The following SNX13 variants were observed in gnomAD, a reference collection of about 807,000 sequenced individuals.
The protein encoded by SNX13 is sorting nexin 13, also known as sorting nexin-13.
In SNX13, 45 loss-of-function variants were observed where a neutral mutation model predicts 133.6. The observed-to-expected ratio is 0.34, with a 90% CI of 0.27 to 0.43. The LOEUF is 0.43. Among genes scored for constraint, SNX13 ranks in the 20% least tolerant of loss-of-function variants. SNX13 has a pLI of 1.00. For synonymous variants in SNX13, 414 were observed against 373.9 expected (o/e 1.11, Z -1.24); for missense variants, 1,032 against 1,145.1 (o/e 0.90, Z 1.43).
At chr7:17,859,691 C>A (rs1167802044) in intron 9 of SNX13, among the ~76,000 whole-genome samples, 1 of 152,112 alleles carries the variant, frequency 6.6e-6, no homozygotes, top group African/African-American at 2.4e-5. Flanking sequence ...TTCTCTCCTC[C>A]CAGATCCCAG....
chr7:17,809,282 C>CAAAAAAAAAAAAAAAAAAAAAAAAAAAAA (rs535077123), intron 20 of SNX13, among the ~76,000 whole-genome samples: 1 of 49,274 alleles, frequency 2.0e-5, no homozygotes, highest in Non-Finnish European at 3.5e-5. Flanking sequence ...AGATGGAAAG[C>CAAAAAAAAAAAAAAAAAAAAAAAAAAAAA]AAAAAAAAAA....
chr7:17,923,268 C>T (rs1164089189), intron 1 of SNX13, among the ~76,000 whole-genome samples: 1 of 152,106 alleles, frequency 6.6e-6, no homozygotes, highest in Admixed American at 6.5e-5. Flanking sequence ...AAATAACTTA[C>T]TATACACAGG....
At chr7:17,871,019 T>C (rs937770605) in intron 8 of SNX13, among the ~76,000 whole-genome samples, 3 of 151,954 alleles carry the variant, frequency 2.0e-5, no homozygotes, top group Non-Finnish European at 4.4e-5. Flanking sequence ...TTTTTCTTTT[T>C]TTTTGAGAGG....
intron 3 of SNX13, among the ~76,000 whole-genome samples, chr7:17,892,695 A>G (rs1462430210): frequency 6.6e-6 from 1 of 152,134 alleles, no homozygotes; most frequent in South Asian, 2.1e-4. Flanking sequence ...TGTAACAGAT[A>G]AATTAATAAC....
At chr7:17,814,554 T>C (rs762331031) in intron 20 of SNX13, among the ~76,000 whole-genome samples, 2 of 152,100 alleles carry the variant, frequency 1.3e-5, no homozygotes, top group East Asian at 1.9e-4. Flanking sequence ...CCTCTAAAGA[T>C]AACGAAAAGC....
chr7:17,815,658 T>G (rs1786574194), intron 19 of SNX13, among the ~76,000 whole-genome samples: 1 of 152,098 alleles, frequency 6.6e-6, no homozygotes, highest in South Asian at 2.1e-4. Flanking sequence ...AACATTCAAG[T>G]GTTATATGGA....
chr7:17,908,316 G>A (rs1182628035), intron 1 of SNX13, among the ~76,000 whole-genome samples: 1 of 152,088 alleles, frequency 6.6e-6, no homozygotes, highest in Admixed American at 6.5e-5. Context: ...TATCATTACT[G>A]CTTCTCCCTG....
At chr7:17,928,370 T>C (rs189410480) in intron 1 of SNX13, among the ~76,000 whole-genome samples, 13 of 152,266 alleles carry the variant, frequency 8.5e-5, no homozygotes, top group Admixed American at 7.8e-4. Flanking sequence ...TGGCTAGGAT[T>C]TGCTAACCAC....
At chr7:17,930,815 C>T (rs947658733) in intron 1 of SNX13, among the ~76,000 whole-genome samples, 10 of 152,092 alleles carry the variant, frequency 6.6e-5, no homozygotes, top group African/African-American at 2.4e-4. Context: ...CACCTGAGCT[C>T]AGCCTCCTGT....
At chr7:17,834,913 A>G (rs751366525) in intron 13 of SNX13, 48 bp from the exon 14 acceptor site, 7 of 1,081,126 alleles carry the variant, frequency 6.5e-6, no homozygotes, top group African/African-American at 1.6e-5. Flanking sequence ...TCTTAATACA[A>G]GATGATACTT....
intron 13 of SNX13, among the ~76,000 whole-genome samples, chr7:17,835,110 A>G (rs1788985746): frequency 6.6e-6 from 1 of 151,894 alleles, no homozygotes; most frequent in African/African-American, 2.4e-5. Flanking sequence ...TTGCCTAGCA[A>G]GTTATCTCTC....
intron 17 of SNX13, among the ~76,000 whole-genome samples, chr7:17,823,262 C>T (rs1474917888): frequency 1.3e-5 from 2 of 152,052 alleles, no homozygotes; most frequent in Non-Finnish European, 2.9e-5. Flanking sequence ...CCTTTCTATG[C>T]GTGGAAGGCA....
At chr7:17,908,587 A>T (rs902400104) in intron 1 of SNX13, among the ~76,000 whole-genome samples, 1 of 152,202 alleles carries the variant, frequency 6.6e-6, no homozygotes, top group Non-Finnish European at 1.5e-5. Flanking sequence ...CACAATTTAC[A>T]ATTCTACAAT....
chr7:17,869,668 T>C (rs1459672485), intron 8 of SNX13, among the ~76,000 whole-genome samples: 1 of 152,166 alleles, frequency 6.6e-6, no homozygotes, highest in Non-Finnish European at 1.5e-5. Context: ...AAAGCACTAA[T>C]GGAGGCACCA....
intron 1 of SNX13, among the ~76,000 whole-genome samples, chr7:17,917,343 C>T (rs747671643): frequency 6.6e-6 from 1 of 152,026 alleles, no homozygotes; most frequent in African/African-American, 2.4e-5. Context: ...GAAAACGCAT[C>T]CAAATAGAAA....
intron 11 of SNX13, among the ~76,000 whole-genome samples, chr7:17,848,394 G>A (rs1790802412): frequency 6.6e-6 from 1 of 152,168 alleles, no homozygotes; most frequent in South Asian, 2.1e-4. Context: ...AGCCACGAGT[G>A]TGCACACAAA....
rs149093938 is a variant in SNX13, at chr7:17,806,057, C to T, written c.2065-2477G>A. Among the ~76,000 whole-genome samples, 748 of 152,224 alleles carry T rather than the reference C, an allele frequency of 4.9e-3. 5 individuals carry two copies. The highest frequency in any genetic ancestry group is 0.017 in the African/African-American group (718 of 41,514). On this transcript the variant is annotated intron_variant, in intron 20 of 25. Coordinates refer to ENST00000428135, the MANE Select transcript of SNX13 (RefSeq NM_015132.5). ...TCAGATGATCATGCACAGGAGATTA[C>T]GGATTGCCAGCTAAGTGTACACTTA...
intron 5 of SNX13, among the ~76,000 whole-genome samples, chr7:17,877,349 C>G (rs1583588201): frequency 1.3e-5 from 2 of 151,972 alleles, no homozygotes; most frequent in Middle Eastern, 6.8e-3. Flanking sequence ...AAAACTTAAA[C>G]CTAGCAGTCT....
chr7:17,885,541 C>T (rs1052685241), intron 5 of SNX13, among the ~76,000 whole-genome samples: 2 of 152,144 alleles, frequency 1.3e-5, no homozygotes, highest in East Asian at 1.9e-4. Flanking sequence ...ATTATAAAAA[C>T]GTTAGGCTGG....
Sources: gnomAD v4.1 joint callset for allele counts (sites outside exome capture counted in the v4.1 genomes callset) on GRCh38, gnomAD v4.1.1 for gene constraint, MANE v1.5 for transcripts, NCBI Gene and HGNC (gene_info 2026-07-23, HGNC 2026-07-21) for gene names.